Variants in LYN observed in about 807,000 individuals in gnomAD.
LYN encodes tyrosine-protein kinase Lyn.
In LYN, 12 loss-of-function variants were observed where a neutral mutation model predicts 65.0. The observed-to-expected ratio is 0.18, with a 90% CI of 0.12 to 0.30. The LOEUF (loss-of-function observed/expected upper bound fraction) is 0.30, where lower values mean the gene tolerates loss of function less well. Ranked by LOEUF, LYN falls within the 10% of genes least tolerant of loss-of-function variation. The pLI is 1.00. For missense variants in LYN, 380 were observed against 623.2 expected, an observed-to-expected ratio of 0.61 and a Z score of 4.16; for synonymous variants, 222 against 221.2, an observed-to-expected ratio of 1.00 and a Z score of -0.03.
At chr8:55,910,076 C>T (rs1362140858) in intron 1 of LYN, among the ~76,000 whole-genome samples, 1 of 149,180 alleles carries the variant, frequency 6.7e-6, no homozygotes, top group Non-Finnish European at 1.5e-5. Context: ...TTTGCATATA[C>T]TTTCTCCCAT....
intron 1 of LYN, among the ~76,000 whole-genome samples, chr8:55,935,151 C>T (rs1190434629): frequency 6.6e-6 from 1 of 152,182 alleles, no homozygotes; most frequent in Non-Finnish European, 1.5e-5. Flanking sequence ...AACACTGTTC[C>T]TATTACACAT....
At chr8:55,988,306 G>GTGTGTA (rs1554518461) in intron 10 of LYN, among the ~76,000 whole-genome samples, 1 of 151,654 alleles carries the variant, frequency 6.6e-6, no homozygotes, top group African/African-American at 2.4e-5. Flanking sequence ...GTGTGTGTGT[G>GTGTGTA]TGTGTGTGTG....
chr8:55,950,504 A>G lies in LYN; in HGVS notation c.330A>G (p.Glu110=), dbSNP rs1217031674. 1.2e-6 allele frequency: 2 copies of G among 1,613,752 alleles called. No homozygotes were observed. Among genetic ancestry groups the G allele is most frequent in the East Asian group, 2.2e-5 (1 of 44,886 alleles). ...WKAKSLLTKK[E]GFIPSNYVAK... ...CAAAGTCCCTTTTAACAAAAAAAGA[A>G]GGCTTCATCCCCAGCAACTATGTGG... is the stretch of plus-strand genomic sequence containing the variant. Residue 110 remains glutamate, a synonymous_variant, in exon 5 of 13, where the codon GAA becomes GAG. Coordinates refer to ENST00000519728, the MANE Select transcript of LYN (RefSeq NM_002350.4).
At chr8:55,912,261 G>A (rs996562797) in intron 1 of LYN, among the ~76,000 whole-genome samples, 2 of 152,162 alleles carry the variant, frequency 1.3e-5, no homozygotes, top group South Asian at 4.1e-4. Context: ...GCATTGCTAG[G>A]CATAATGAAA....
At chr8:55,900,894 A>T (rs1805241957) in intron 1 of LYN, among the ~76,000 whole-genome samples, 1 of 152,186 alleles carries the variant, frequency 6.6e-6, no homozygotes. Flanking sequence ...ACAAAATCTT[A>T]GACATTGAAA....
intron 12 of LYN, among the ~76,000 whole-genome samples, chr8:56,006,592 T>A (rs560947150): frequency 1.3e-5 from 2 of 152,314 alleles, no homozygotes; most frequent in African/African-American, 4.8e-5. Flanking sequence ...CCCCACCACC[T>A]CCTTCTGGTG....
chr8:55,915,197 A>G (rs1398809320), intron 1 of LYN, among the ~76,000 whole-genome samples: 2 of 152,164 alleles, frequency 1.3e-5, no homozygotes, highest in African/African-American at 4.8e-5. Flanking sequence ...GGCATTCTAG[A>G]ATGGATGCTG....
intron 10 of LYN, among the ~76,000 whole-genome samples, chr8:55,989,906 G>T (rs898201652): frequency 5.9e-5 from 9 of 152,136 alleles, no homozygotes; most frequent in African/African-American, 2.2e-4. Flanking sequence ...ATGTCTTGAA[G>T]CTGGGAGGGG....
At chr8:55,961,391 A>G (rs1807268379) in intron 8 of LYN, among the ~76,000 whole-genome samples, 1 of 152,210 alleles carries the variant, frequency 6.6e-6, no homozygotes, top group South Asian at 2.1e-4. Flanking sequence ...AGAGTATCTT[A>G]GAAACCTATG....
chr8:55,986,827 G>A (rs1305212434), intron 10 of LYN, among the ~76,000 whole-genome samples: 1 of 152,194 alleles, frequency 6.6e-6, no homozygotes, highest in East Asian at 1.9e-4. Flanking sequence ...CTAGGCTCAA[G>A]CGATCCTCCT....
intron 1 of LYN, among the ~76,000 whole-genome samples, chr8:55,920,344 G>A (rs1402873586): frequency 6.6e-6 from 1 of 152,122 alleles, no homozygotes; most frequent in Non-Finnish European, 1.5e-5. Flanking sequence ...AGCAATTTTT[G>A]TTTAACAATT....
At chr8:55,963,862 C>T (rs1373570903) in intron 8 of LYN, among the ~76,000 whole-genome samples, 3 of 151,964 alleles carry the variant, frequency 2.0e-5, no homozygotes, top group East Asian at 1.9e-4. Context: ...CATGTATTTT[C>T]CTGCTGTGAT....
At chr8:55,881,488 G>C (rs1410084450) in intron 1 of LYN, among the ~76,000 whole-genome samples, 1 of 152,228 alleles carries the variant, frequency 6.6e-6, no homozygotes, top group East Asian at 1.9e-4. Context: ...GTGGGATCCA[G>C]TTAGTCCCTC....
intron 1 of LYN, among the ~76,000 whole-genome samples, chr8:55,899,172 T>C (rs1430505292): frequency 6.6e-6 from 1 of 152,174 alleles, no homozygotes; most frequent in African/African-American, 2.4e-5. Flanking sequence ...TCACAGAAAA[T>C]ATAGTAAGAA....
At chr8:55,886,542 C>T (rs1804801996) in intron 1 of LYN, among the ~76,000 whole-genome samples, 1 of 152,254 alleles carries the variant, frequency 6.6e-6, no homozygotes, top group Admixed American at 6.5e-5. Context: ...GCCACGCGCC[C>T]AGCCTGTCAA....
chr8:55,966,987 A>G, intron 9 of LYN, 90 bp downstream of exon 9: 5 of 1,240,290 alleles, frequency 4.0e-6, no homozygotes, highest in Non-Finnish European at 5.6e-6. Flanking sequence ...AACTAGTTTA[A>G]TTATCAAACA....
chr8:55,936,375 C>T (rs35380752), intron 1 of LYN, among the ~76,000 whole-genome samples: 31,889 of 152,180 alleles, frequency 0.21, 4,204 homozygotes, highest in Non-Finnish European at 0.3. Context: ...CGTGGTGGCT[C>T]ATTCCTATAA....
intron 1 of LYN, among the ~76,000 whole-genome samples, chr8:55,939,400 G>A (rs1356800505): frequency 6.6e-6 from 1 of 151,990 alleles, no homozygotes; most frequent in Non-Finnish European, 1.5e-5. Flanking sequence ...TTCCTGTCTT[G>A]GATGTCACCA....
At chr8:55,938,303 T>C (rs938886184) in intron 1 of LYN, among the ~76,000 whole-genome samples, 2 of 152,228 alleles carry the variant, frequency 1.3e-5, no homozygotes, top group African/African-American at 4.8e-5. Context: ...TGTCAAAGCC[T>C]CAGTTACTAT....
Sources: gnomAD v4.1 joint callset for allele counts (sites outside exome capture counted in the v4.1 genomes callset) on GRCh38, gnomAD v4.1.1 for gene constraint, MANE v1.5 for transcripts, NCBI Gene and HGNC (gene_info 2026-07-23, HGNC 2026-07-21) for gene names.